MCC: variants seen among roughly 807,000 people sequenced by gnomAD.
The protein encoded by MCC is colorectal mutant cancer protein.
Under a neutral mutation model 116.2 loss-of-function variants are expected in MCC, and 90 were observed. The ratio of observed to expected loss-of-function variants is 0.77; its 90% CI spans 0.65 to 0.92. The LOEUF (loss-of-function observed/expected upper bound fraction) is 0.92. Ranked by LOEUF, MCC falls within the 40% of genes least tolerant of loss-of-function variation. The probability of loss-of-function intolerance (pLI) is 0.00; values close to 1 mark genes in which losing one functional copy is unlikely to be tolerated. For missense variants in MCC, 1,516 were observed against 1,312.2 expected, an observed-to-expected ratio of 1.16 and a Z score of -2.40; for synonymous variants, 578 against 510.5, an observed-to-expected ratio of 1.13 and a Z score of -1.78.
intron 1 of MCC, among the ~76,000 whole-genome samples, chr5:113,457,378 C>T (rs1033182933): frequency 2.0e-5 from 3 of 152,262 alleles, no homozygotes; most frequent in African/African-American, 7.2e-5. Context: ...TAGCTGCCTT[C>T]CCGCGGAGCA....
Position 113,099,214 on chromosome 5 carries a change from A to G in MCC, c.1398+2525T>C, listed in dbSNP as rs920459416. On this transcript the variant is annotated intron_variant, in intron 8 of 18. Coordinates refer to ENST00000408903, the MANE Select transcript of MCC (RefSeq NM_001085377.2). ...TATCTCTAGTTGAGGAAGAGATAAA[A>G]GTTAACATTATTTGAAGGTAACTGA... Among the ~76,000 whole-genome samples, 5 of 152,252 alleles carry G rather than the reference A, an allele frequency of 3.3e-5. 1 individual carries two copies. Among genetic ancestry groups the G allele is most frequent in the African/African-American group, 1.2e-4 (5 of 41,470 alleles).
intron 11 of MCC, among the ~76,000 whole-genome samples, chr5:113,077,517 T>C (rs1181228068): frequency 2.0e-5 from 3 of 152,034 alleles, no homozygotes; most frequent in Admixed American, 6.6e-5. Context: ...CAAAACTGCA[T>C]AACTACATGG....
chr5:113,145,367 CTCT>C (rs1289861206), intron 4 of MCC, among the ~76,000 whole-genome samples: 1 of 152,158 alleles, frequency 6.6e-6, no homozygotes, highest in Non-Finnish European at 1.5e-5. Context: ...CTTGTTCCTC[CTCT>C]TTTGTTTTCC....
intron 13 of MCC, among the ~76,000 whole-genome samples, chr5:113,066,301 A>T (rs1753599879): frequency 6.6e-6 from 1 of 152,134 alleles, no homozygotes; most frequent in African/African-American, 2.4e-5. Flanking sequence ...TTTTTCCTTT[A>T]ATTTATCATT....
intron 1 of MCC, among the ~76,000 whole-genome samples, chr5:113,417,573 G>A (rs1770190619): frequency 6.6e-6 from 1 of 152,158 alleles, no homozygotes; most frequent in Admixed American, 6.5e-5. Context: ...TCATCTTGGA[G>A]TTCTAAAAGC....
At chr5:113,061,977 C>T (rs1365230833) in intron 14 of MCC, among the ~76,000 whole-genome samples, 1 of 152,136 alleles carries the variant, frequency 6.6e-6, no homozygotes, top group Admixed American at 6.5e-5. Flanking sequence ...ATTCTAAACC[C>T]ACGTTTAACA....
chr5:113,366,523 G>C (rs1349114045), intron 2 of MCC, among the ~76,000 whole-genome samples: 1 of 152,150 alleles, frequency 6.6e-6, no homozygotes, highest in Non-Finnish European at 1.5e-5. Context: ...ACCTAAGCCA[G>C]AATATATAGC....
At chr5:113,463,105 T>A (rs143601553) in intron 1 of MCC, among the ~76,000 whole-genome samples, 85 of 152,224 alleles carry the variant, frequency 5.6e-4, no homozygotes, top group African/African-American at 2.0e-3. Context: ...GCACAGGAGC[T>A]AGATAGGGAG....
chr5:113,154,385 G>A lies in MCC; in HGVS notation c.628-2963C>T, dbSNP rs187024933. On this transcript the variant is annotated intron_variant, in intron 3 of 18. Transcript: ENST00000408903. ...AACTAGAGAGAGCAGAAGTTGGAGT[G>A]GGGGAAGCCACCAACCAGCCATAAG... Among the ~76,000 whole-genome samples, 144 of 152,326 alleles carry A rather than the reference G, an allele frequency of 9.5e-4. 1 individual carries two copies. The highest frequency in any genetic ancestry group is 3.3e-3 in the African/African-American group (138 of 41,576).
At chr5:113,340,441 T>G (rs1581411837) in intron 3 of MCC, 78 bp downstream of exon 3, 1 of 1,223,588 alleles carries the variant, frequency 8.2e-7, no homozygotes, top group Non-Finnish European at 1.2e-6. Flanking sequence ...ATATGTCCCC[T>G]GGAGCACAAA....
intron 2 of MCC, among the ~76,000 whole-genome samples, chr5:113,347,394 T>A (rs1484497996): frequency 4.6e-5 from 7 of 151,694 alleles, no homozygotes; most frequent in Non-Finnish European, 8.8e-5. Flanking sequence ...GTTTTTTTGT[T>A]TGTTTATGCA....
Position 113,053,873 on chromosome 5 carries a change from T to C in MCC, c.2300A>G (p.Lys767Arg). 6.2e-7 allele frequency: 1 copy of C among 1,614,212 alleles called. No homozygotes were observed. Reference sequence around the variant, plus strand: ...CAGCTTGACCGCAGCCCTGTCATTCTTGAGCTGCTGGATATAATCCTTCAG... The same window carrying C: ...CAGCTTGACCGCAGCCCTGTCATTCCTGAGCTGCTGGATATAATCCTTCAG... ...QRLKDYIQQL[K>R]NDRAAVKLTM... is the part of the protein sequence containing the mutation. Residue 767 changes from lysine (K) to arginine (R), a missense_variant, in exon 15 of 19, where the codon AAG (lysine) becomes AGG (arginine). By Grantham distance (26) the Lys-to-Arg change is conservative. Transcript: ENST00000408903.
intron 13 of MCC, among the ~76,000 whole-genome samples, chr5:113,067,301 T>A (rs6859562): frequency 0.19 from 29,146 of 151,246 alleles, 2,908 homozygotes; most frequent in East Asian, 0.29. Flanking sequence ...TGAAACTACT[T>A]CTTCTTTGTT....
intron 1 of MCC, among the ~76,000 whole-genome samples, chr5:113,406,500 A>G (rs1233730300): frequency 2.6e-5 from 4 of 152,204 alleles, no homozygotes; most frequent in Non-Finnish European, 5.9e-5. Flanking sequence ...CCTCCAGGTG[A>G]AACTGTCCTG....
intron 2 of MCC, among the ~76,000 whole-genome samples, chr5:113,364,238 G>GAAAAAAAAAAAAAAAAAAAAACCA (rs1768626337): frequency 4.0e-5 from 2 of 49,422 alleles, no homozygotes; most frequent in Admixed American, 3.3e-4. Flanking sequence ...CTCAAAAACA[G>GAAAAAAAAAAAAAAAAAAAAACCA]AAAAAAAAAA....
rs144028967 is a variant in MCC at position 113,247,992 on chromosome 5, G to C, written c.627+92527C>G. On this transcript the variant is annotated intron_variant, in intron 3 of 18. Coordinates refer to ENST00000408903, the MANE Select transcript of MCC (RefSeq NM_001085377.2). ...CTTGAGGGTGAATGAGATATCCAAG[G>C]AGTCCCAGATCTCAGCCTGGGGCAC... Among the ~76,000 whole-genome samples the C allele has an allele frequency of 1.6e-4, 24 of 152,248 alleles. No individual in the cohort carries two copies. The East Asian group carries it at 4.2e-3, about 27-fold the overall frequency.
At chr5:113,248,244 A>T in intron 3 of MCC, among the ~76,000 whole-genome samples, 1 of 151,938 alleles carries the variant, frequency 6.6e-6, no homozygotes, top group East Asian at 1.9e-4. Context: ...TTAAAAAAAA[A>T]AAAAAAAAAA....
chr5:113,127,102 G>A (rs1253354603), intron 5 of MCC, among the ~76,000 whole-genome samples: 1 of 152,080 alleles, frequency 6.6e-6, no homozygotes, highest in Non-Finnish European at 1.5e-5. Flanking sequence ...CCCACACACA[G>A]TATTCAGTTT....
chr5:113,071,524 T>G (rs1561779080), intron 11 of MCC, among the ~76,000 whole-genome samples: 1 of 152,166 alleles, frequency 6.6e-6, no homozygotes, highest in African/African-American at 2.4e-5. Flanking sequence ...TCTGGAGATA[T>G]TCCAAGGAAA....
Sources: allele counts gnomAD v4.1 joint callset (sites outside exome capture counted in the v4.1 genomes callset), GRCh38; gene constraint gnomAD v4.1.1; transcripts MANE v1.5; gene names NCBI Gene and HGNC (gene_info 2026-07-23, HGNC 2026-07-21).